Variants in CDC5L observed in about 807,000 individuals in gnomAD.
CDC5L encodes the protein cell division cycle 5-like protein.
CDC5L carries 18 observed loss-of-function variants against 104.1 expected under a neutral mutation model. That is an observed-to-expected ratio of 0.17 (90% CI 0.12 to 0.26). The LOEUF is 0.26. Ranked by LOEUF, CDC5L falls within the 10% of genes least tolerant of loss-of-function variation. The pLI, the probability that CDC5L is intolerant of heterozygous loss-of-function variation, is 1.00. For missense variants in CDC5L, 673 were observed against 956.9 expected, an observed-to-expected ratio of 0.70 and a Z score of 3.91; for synonymous variants, 331 against 322.7, an observed-to-expected ratio of 1.03 and a Z score of -0.28.
At chr6:44,446,524 C>A in intron 15 of CDC5L, 83 bp from the exon 16 acceptor site, 1 of 550,268 alleles carries the variant, frequency 1.8e-6, no homozygotes, top group Admixed American at 3.2e-5. Flanking sequence ...TTTAACTCAG[C>A]TGGTTTTTAA....
At chr6:44,388,404 T>C (rs558009349) in intron 1 of CDC5L, among the ~76,000 whole-genome samples, 37 of 152,226 alleles carry the variant, frequency 2.4e-4, no homozygotes, top group African/African-American at 8.2e-4. Flanking sequence ...ATAACCTGTC[T>C]GCCATCTCGA....
At chr6:44,393,404 A>G (rs754320550) in intron 3 of CDC5L, 42 bp from the exon 4 acceptor site, 5 of 1,549,154 alleles carry the variant, frequency 3.2e-6, no homozygotes, top group Admixed American at 4.0e-5. Context: ...TTAACTCTAA[A>G]TGGTACTGTA....
chr6:44,428,939 G>A (rs1310603207), intron 13 of CDC5L, among the ~76,000 whole-genome samples: 1 of 149,912 alleles, frequency 6.7e-6, no homozygotes, highest in African/African-American at 2.5e-5. Flanking sequence ...GGTGCCATTT[G>A]TATTCTGCCT....
intron 9 of CDC5L, among the ~76,000 whole-genome samples, chr6:44,421,032 C>A (rs924001575): frequency 6.6e-6 from 1 of 152,126 alleles, no homozygotes; most frequent in African/African-American, 2.4e-5. Flanking sequence ...TTGCCGTTCC[C>A]GAATAAACTC....
At position 44,393,583 on chromosome 6, in the gene CDC5L, T is replaced by A. The variant is rs374261003; in HGVS notation, c.439+10T>A. ...ATTGATATGGATGAGGGTAAGTGTA[T>A]GCTTTGAGGAATTTATTTCTTTGGT... On this transcript the variant is annotated intron_variant, in intron 4 of 15. Transcript: ENST00000371477. 1.2e-6 allele frequency: 2 copies of A among 1,606,014 alleles called. No individual in the cohort carries two copies. Among genetic ancestry groups the A allele is most frequent in the African/African-American group, 2.7e-5 (2 of 74,274 alleles).
intron 7 of CDC5L, among the ~76,000 whole-genome samples, chr6:44,407,385 G>A (rs1279574145): frequency 1.3e-5 from 2 of 150,558 alleles, no homozygotes; most frequent in African/African-American, 4.9e-5. Flanking sequence ...GGAGTACCGT[G>A]GTGCCATCTA....
chr6:44,446,031 G>A (rs1232661376), intron 15 of CDC5L, among the ~76,000 whole-genome samples, 164 bp downstream of exon 15: 1 of 152,130 alleles, frequency 6.6e-6, no homozygotes, highest in Non-Finnish European at 1.5e-5. Flanking sequence ...AATTGCCTCT[G>A]TGTAGATGGA....
At chr6:44,394,271 C>T (rs748181089) in intron 4 of CDC5L, among the ~76,000 whole-genome samples, 5 of 151,978 alleles carry the variant, frequency 3.3e-5, no homozygotes, top group Admixed American at 2.0e-4. Context: ...GTCTTTAAAA[C>T]TGAGTAGTGT....
intron 13 of CDC5L, among the ~76,000 whole-genome samples, chr6:44,428,397 A>T (rs758369986): frequency 6.6e-6 from 1 of 152,142 alleles, no homozygotes; most frequent in African/African-American, 2.4e-5. Context: ...AAAGATTGAA[A>T]GCCTTCTGTA....
chr6:44,445,691 G>T lies in CDC5L; in HGVS notation c.2128G>T (p.Ala710Ser). 2 of 1,614,032 alleles carry T rather than the reference G, an allele frequency of 1.2e-6. No homozygotes were observed. The highest frequency in any genetic ancestry group is 1.7e-6 in the Non-Finnish European group (2 of 1,179,984). The change falls in exon 15 of 16, where the codon GCT becomes TCT. Residue 710 changes from alanine (A) to serine (S), a missense_variant. By Grantham distance (99) the Ala-to-Ser change is moderately conservative. Coordinates refer to ENST00000371477, the MANE Select transcript of CDC5L (RefSeq NM_001253.4). ...TCACATGACGACAGAAGCCAAGAGG[G>T]CTGCAAAGATGGAAAAGAAGATGAA... is the stretch of plus-strand genomic sequence containing the variant. Reference protein sequence around the residue: ...RGHMTTEAKRAAKMEKKMKIL... With the variant: ...RGHMTTEAKRSAKMEKKMKIL...
At chr6:44,409,967 G>T (rs750175870) in intron 8 of CDC5L, among the ~76,000 whole-genome samples, 1 of 151,052 alleles carries the variant, frequency 6.6e-6, no homozygotes, top group African/African-American at 2.4e-5. Flanking sequence ...AGGAAAAATT[G>T]TATCTATTTA....
chr6:44,440,351 C>T (rs1266721503), intron 14 of CDC5L, among the ~76,000 whole-genome samples: 2 of 151,342 alleles, frequency 1.3e-5, no homozygotes, highest in Admixed American at 1.3e-4. Flanking sequence ...AAGTGATTCT[C>T]CTGTCTCAGC....
At chr6:44,415,018 A>G (rs1419007155) in intron 8 of CDC5L, among the ~76,000 whole-genome samples, 1 of 152,088 alleles carries the variant, frequency 6.6e-6, no homozygotes, top group Non-Finnish European at 1.5e-5. Context: ...TCCTAACACA[A>G]TTTGTTGTAA....
At chr6:44,415,887 T>C (rs2153379812) in intron 8 of CDC5L, among the ~76,000 whole-genome samples, 1 of 152,312 alleles carries the variant, frequency 6.6e-6, no homozygotes. Context: ...TTATGATTGG[T>C]TGAAGCCCTT....
chr6:44,435,544 T>G (rs1792892949), intron 14 of CDC5L: 1 of 153,552 alleles, frequency 6.5e-6, no homozygotes, highest in Non-Finnish European at 1.5e-5. Flanking sequence ...GCTTAAATTT[T>G]TTCAGGCATG....
At chr6:44,425,333 A>G (rs1041670201) in intron 11 of CDC5L, among the ~76,000 whole-genome samples, 3 of 152,192 alleles carry the variant, frequency 2.0e-5, no homozygotes, top group African/African-American at 4.8e-5. Flanking sequence ...TGAAAAAATC[A>G]GAAATCCAAG....
chr6:44,446,651 A>G lies in CDC5L; in HGVS notation c.2349A>G (p.Glu783=). The change falls in exon 16 of 16, where the codon GAA becomes GAG. Residue 783 remains glutamate, a synonymous_variant. Transcript: ENST00000371477. ...DVQRQQEREK[E]LQHRYADLLL... is the part of the protein sequence containing the mutation. ...AGCGACAACAAGAAAGAGAAAAGGA[A>G]CTTCAACATAGATATGCTGATTTGC... 6.3e-7 allele frequency: 1 copy of G among 1,595,680 alleles called. No individual in the cohort carries two copies. Among genetic ancestry groups the G allele is most frequent in the Non-Finnish European group, 8.5e-7 (1 of 1,172,612 alleles).
intron 14 of CDC5L, among the ~76,000 whole-genome samples, chr6:44,443,580 G>A (rs1037845766): frequency 1.3e-5 from 2 of 150,404 alleles, no homozygotes; most frequent in East Asian, 1.9e-4. Context: ...GACCTGTCTT[G>A]TAGTTTACTG....
At chr6:44,423,330 T>A (rs1397086040) in intron 10 of CDC5L, among the ~76,000 whole-genome samples, 1 of 152,186 alleles carries the variant, frequency 6.6e-6, no homozygotes, top group Non-Finnish European at 1.5e-5. Context: ...ATTAAATAGA[T>A]TAAGAACCTC....
Sources: gnomAD v4.1 joint callset for allele counts (sites outside exome capture counted in the v4.1 genomes callset) on GRCh38, gnomAD v4.1.1 for gene constraint, MANE v1.5 for transcripts, NCBI Gene and HGNC (gene_info 2026-07-23, HGNC 2026-07-21) for gene names.